The following GPR149 variants were observed in gnomAD, a reference collection of about 807,000 sequenced individuals.
The protein encoded by GPR149 is probable G protein-coupled receptor 149.
GPR149 carries 50 observed loss-of-function variants against 50.2 expected under a neutral mutation model. The ratio of observed to expected loss-of-function variants is 1.00; its 90% CI spans 0.79 to 1.26. The LOEUF is 1.26. Ranked by LOEUF, GPR149 falls within the 50% of genes most tolerant of loss-of-function variation. The pLI, the probability that GPR149 is intolerant of heterozygous loss-of-function variation, is 0.00. For missense variants in GPR149, 983 were observed against 895.4 expected, an observed-to-expected ratio of 1.10 and a Z score of -1.25; for synonymous variants, 405 against 358.2, an observed-to-expected ratio of 1.13 and a Z score of -1.48.
intron 2 of GPR149, among the ~76,000 whole-genome samples, chr3:154,422,549 A>T (rs572123378): frequency 6.6e-6 from 1 of 151,880 alleles, no homozygotes; most frequent in South Asian, 2.1e-4. Flanking sequence ...TATGGAAAAG[A>T]TAAGTAAAAT....
intron 3 of GPR149, among the ~76,000 whole-genome samples, chr3:154,376,213 T>C (rs1201970891): frequency 1.2e-5 from 1 of 82,450 alleles, no homozygotes; most frequent in African/African-American, 3.5e-5. Context: ...GTTTTTATCA[T>C]GTATTTGTTA....
intron 2 of GPR149, among the ~76,000 whole-genome samples, chr3:154,421,949 TA>T (rs1192582164): frequency 6.6e-6 from 1 of 151,760 alleles, no homozygotes; most frequent in African/African-American, 2.4e-5. Context: ...ATACCACCAA[TA>T]AATATAACTT....
At chr3:154,357,840 C>T (rs551484904) in intron 3 of GPR149, among the ~76,000 whole-genome samples, 55 of 152,288 alleles carry the variant, frequency 3.6e-4, no homozygotes, top group East Asian at 1.3e-3. Context: ...CACATGCACA[C>T]GTATGTTTAT....
intron 3 of GPR149, among the ~76,000 whole-genome samples, chr3:154,389,218 A>C (rs927266990): frequency 1.1e-4 from 16 of 152,186 alleles, no homozygotes; most frequent in Non-Finnish European, 2.1e-4. Flanking sequence ...CAATGGAAAC[A>C]ATGATTCTAT....
At chr3:154,393,760 G>A (rs1249017614) in intron 3 of GPR149, among the ~76,000 whole-genome samples, 1 of 151,848 alleles carries the variant, frequency 6.6e-6, no homozygotes, top group Non-Finnish European at 1.5e-5. Flanking sequence ...AATTAGCTGT[G>A]TTTCTATATA....
chr3:154,396,598 T>C (rs922193421), intron 3 of GPR149, among the ~76,000 whole-genome samples: 4 of 152,040 alleles, frequency 2.6e-5, no homozygotes, highest in African/African-American at 9.7e-5. Context: ...ATCTAAATTA[T>C]AATATATCTA....
intron 3 of GPR149, chr3:154,353,126 A>G: frequency 6.7e-7 from 1 of 1,495,030 alleles, no homozygotes; most frequent in Non-Finnish European, 9.3e-7. Flanking sequence ...TGGCCATTTC[A>G]GTTACATTCT....
intron 2 of GPR149, among the ~76,000 whole-genome samples, chr3:154,426,882 GT>G (rs1712318471): frequency 9.0e-6 from 1 of 111,330 alleles, no homozygotes; most frequent in South Asian, 2.8e-4. Flanking sequence ...GTGTGTGTGT[GT>G]GTGTGTGTGT....
Position 154,421,332 on chromosome 3 carries a change from C to T in GPR149, c.1330G>A (p.Asp444Asn), listed in dbSNP as rs1397569038. Residue 444 changes from aspartate to asparagine, a missense_variant, in exon 3 of 4, where the codon GAC becomes AAC. By Grantham distance (23) the Asp-to-Asn change is conservative. Coordinates refer to ENST00000389740, the MANE Select transcript of GPR149 (RefSeq NM_001038705.3). Reference sequence around the variant, plus strand: ...ATAGCATTGAAGATGTTACGGTTGTCTCTCTGAGGGTCTTTTGTAGTTTCA... The same window carrying T: ...ATAGCATTGAAGATGTTACGGTTGTTTCTCTGAGGGTCTTTTGTAGTTTCA... ...ECETTKDPQR[D>N]NRNIFNAIKV... is the part of the protein sequence containing the mutation. 51 of 1,613,184 alleles carry T rather than the reference C, an allele frequency of 3.2e-5. No homozygotes were observed. The highest frequency in any genetic ancestry group is 4.2e-5 in the Non-Finnish European group (50 of 1,179,488).
At chr3:154,416,225 C>G (rs1711983944) in intron 3 of GPR149, among the ~76,000 whole-genome samples, 1 of 151,698 alleles carries the variant, frequency 6.6e-6, no homozygotes, top group South Asian at 2.1e-4. Flanking sequence ...TTAATTTTGC[C>G]CTGCACTTCA....
At chr3:154,350,179 G>C (rs1427861644) in intron 3 of GPR149, among the ~76,000 whole-genome samples, 1 of 152,076 alleles carries the variant, frequency 6.6e-6, no homozygotes, top group Non-Finnish European at 1.5e-5. Flanking sequence ...CTCAGTGACA[G>C]AGTGAAACCC....
chr3:154,396,842 G>A (rs960984015), intron 3 of GPR149, among the ~76,000 whole-genome samples: 4 of 151,468 alleles, frequency 2.6e-5, no homozygotes. Context: ...AAAAAAAATA[G>A]ATGGTCTTTT....
chr3:154,357,619 T>A (rs1381524345), intron 3 of GPR149, among the ~76,000 whole-genome samples: 1 of 152,108 alleles, frequency 6.6e-6, no homozygotes, highest in Non-Finnish European at 1.5e-5. Flanking sequence ...AGAATGGCGA[T>A]CATTAAAAAG....
chr3:154,372,400 T>C (rs2108401798), intron 3 of GPR149, among the ~76,000 whole-genome samples: 1 of 152,320 alleles, frequency 6.6e-6, no homozygotes, highest in African/African-American at 2.4e-5. Context: ...AAAAGGAATG[T>C]TAAAAACCAG....
intron 3 of GPR149, among the ~76,000 whole-genome samples, chr3:154,409,922 A>G (rs1053515126): frequency 6.6e-6 from 1 of 152,338 alleles, no homozygotes; most frequent in Middle Eastern, 3.4e-3. Flanking sequence ...TCCTAGGAAC[A>G]TAGTCATCAG....
At chr3:154,353,701 T>A in intron 3 of GPR149, 3 of 1,198,640 alleles carry the variant, frequency 2.5e-6, no homozygotes, top group Non-Finnish European at 3.6e-6. Context: ...AGTACCTTTG[T>A]TGAGCAGCTT....
chr3:154,421,219 A>C lies in GPR149; in HGVS notation c.1443T>G (p.Ala481=), dbSNP rs1712133328. ...NKCTNTDITE[A]KQDSNNKKDA... ...CCTTTTTGTTGTTGGAATCCTGTTT[A>C]GCTTCTGTAATATCAGTATTTGTGC... Residue 481 remains alanine, a synonymous_variant, in exon 3 of 4, where the codon GCT becomes GCG. Transcript: ENST00000389740. 6.2e-7 allele frequency: 1 copy of C among 1,613,542 alleles called. No homozygotes were observed. The highest frequency in any genetic ancestry group is 1.3e-5 in the African/African-American group (1 of 74,984).
At chr3:154,410,117 T>C (rs528599930) in intron 3 of GPR149, among the ~76,000 whole-genome samples, 203 of 152,250 alleles carry the variant, frequency 1.3e-3, no homozygotes, top group Non-Finnish European at 2.1e-3. Context: ...AATAATTTTG[T>C]ATCCAGTGAA....
chr3:154,405,763 T>C (rs897744375), intron 3 of GPR149, among the ~76,000 whole-genome samples: 35 of 151,934 alleles, frequency 2.3e-4, no homozygotes, highest in African/African-American at 8.0e-4. Flanking sequence ...CTATCTTACA[T>C]CTACCACAAA....
Sources: allele counts gnomAD v4.1 joint callset (sites outside exome capture counted in the v4.1 genomes callset), GRCh38; gene constraint gnomAD v4.1.1; transcripts MANE v1.5; gene names NCBI Gene and HGNC (gene_info 2026-07-23, HGNC 2026-07-21).